The following ZNF547 variants were observed in gnomAD, a reference collection of about 807,000 sequenced individuals.
ZNF547 encodes zinc finger protein 547.
In ZNF547, 4 loss-of-function variants were observed where a neutral mutation model predicts 7.7. The observed-to-expected ratio is 0.52, with a 90% confidence interval of 0.26 to 1.20. ZNF547 has a LOEUF of 1.20. Among genes scored for constraint, ZNF547 ranks in the 50% most tolerant of loss-of-function variants. ZNF547 has a pLI of 0.14. For synonymous variants in ZNF547, 166 were observed against 166.2 expected (o/e 1.00, Z 0.01); for missense variants, 449 against 485.8 (o/e 0.92, Z 0.71).
At chr19:57,364,984 G>C (rs1199659127) in intron 1 of ZNF547, 1 of 1,612,988 alleles carries the variant, frequency 6.2e-7, no homozygotes, top group Admixed American at 1.7e-5. Flanking sequence ...CCTCGTAGAT[G>C]AGAACATGTG....
intron 2 of ZNF547, among the ~76,000 whole-genome samples, chr19:57,369,899 C>CTTTGTTTTTTTTTTTT (rs2088493700): frequency 1.9e-5 from 1 of 51,674 alleles, no homozygotes; most frequent in Non-Finnish European, 3.3e-5. Context: ...ACTCACAGTT[C>CTTTGTTTTTTTTTTTT]TTTTTTTTTT....
intron 2 of ZNF547, 63 bp from the exon 3 acceptor site, chr19:57,371,719 A>G (rs764739289): frequency 2.8e-5 from 44 of 1,548,066 alleles, no homozygotes; most frequent in Non-Finnish European, 3.7e-5. Flanking sequence ...GAAAATAAAT[A>G]GAGAACTTAA....
At chr19:57,364,808 G>A (rs1391375195) in intron 1 of ZNF547, 3 of 1,570,318 alleles carry the variant, frequency 1.9e-6, no homozygotes, top group East Asian at 2.3e-5. Context: ...TCGGCCTCCC[G>A]CTGCAGGAGC....
intron 1 of ZNF547, among the ~76,000 whole-genome samples, chr19:57,367,540 G>A (rs2088478597): frequency 6.6e-6 from 1 of 152,082 alleles, no homozygotes; most frequent in African/African-American, 2.4e-5. Flanking sequence ...TGAGGGAGGA[G>A]AGAGCTGATA....
rs375442392 is a variant in ZNF547, at chr19:57,365,875, C to A, written c.-13+2172C>A. Among the ~76,000 whole-genome samples the A allele has an allele frequency of 7.4e-4, 79 of 106,386 alleles. 1 individual carries two copies. In the East Asian group the frequency reaches 0.017, roughly 23 times the overall value. The allele number at this position is 106,386 out of a possible 152,430, so 69.8% of individuals were successfully genotyped here. On this transcript the variant is annotated intron_variant, in intron 1 of 3. Transcript: ENST00000282282. Reference sequence around the variant, plus strand: ...CTTTCTTTCTTTCTTTTTTTTTTTTCTTTTGAGATGGAGTCTGGCTCCTGT... The same window carrying A: ...CTTTCTTTCTTTCTTTTTTTTTTTTATTTTGAGATGGAGTCTGGCTCCTGT...
At chr19:57,364,457 G>GGT in intron 1 of ZNF547, 31 of 236,840 alleles carry the variant, frequency 1.3e-4, no homozygotes, top group South Asian at 4.7e-4. Flanking sequence ...AAAGAATAGA[G>GGT]GGTGGCCGGG....
At chr19:57,365,089 C>CT (rs2123008435) in intron 1 of ZNF547, 2 of 1,609,828 alleles carry the variant, frequency 1.2e-6, no homozygotes, top group East Asian at 4.5e-5. Flanking sequence ...GTTTATTATG[C>CT]TTCATGACAT....
At chr19:57,366,547 GTTTTTT>G (rs34507280) in intron 1 of ZNF547, among the ~76,000 whole-genome samples, 1 of 90,432 alleles carries the variant, frequency 1.1e-5, no homozygotes. Context: ...CAGATAAATT[GTTTTTT>G]TTTTTTTTTT....
Position 57,377,623 on chromosome 19 carries a change from A to T in ZNF547, c.647A>T (p.Glu216Val). The change falls in exon 4 of 4, where the codon GAA becomes GTA. Residue 216 changes from glutamate (E) to valine (V), a missense_variant. Glu to Val is a moderately radical substitution (Grantham distance 121, BLOSUM62 -2). Coordinates refer to ENST00000282282, the MANE Select transcript of ZNF547 (RefSeq NM_173631.4). ...HTGERPYECN[E>V]CGKAFLCKSH... ...GGAGAAAGGCCTTATGAGTGCAATG[A>T]ATGTGGGAAAGCCTTTCTTTGTAAG... 1 of 1,614,172 alleles carries T rather than the reference A, an allele frequency of 6.2e-7. No homozygotes were observed. Among genetic ancestry groups the T allele is most frequent in the South Asian group, 1.1e-5 (1 of 91,082 alleles).
chr19:57,373,200 T>A (rs2088516673), intron 3 of ZNF547, among the ~76,000 whole-genome samples: 1 of 152,214 alleles, frequency 6.6e-6, no homozygotes, highest in Admixed American at 6.5e-5. Context: ...ACTAGGCATC[T>A]TCTTCACAGG....
intron 1 of ZNF547, chr19:57,368,291 G>T: frequency 4.3e-6 from 2 of 461,372 alleles, no homozygotes. Context: ...TTTGACACCG[G>T]TAAGAGTCCT....
chr19:57,377,504 A>T lies in ZNF547; in HGVS notation c.528A>T (p.Lys176Asn). 6.2e-7 allele frequency: 1 copy of T among 1,614,192 alleles called. No homozygotes were observed. Among genetic ancestry groups the T allele is most frequent in the South Asian group, 1.1e-5 (1 of 91,086 alleles). ...SHKHKLSDHQ[K>N]IHTGERTYKC... The stretch of plus-strand genomic sequence containing the variant: ...AACATAAACTTTCTGACCATCAGAA[A>T]ATCCACACTGGAGAAAGAACTTATA... The change falls in exon 4 of 4, where the codon AAA becomes AAT. Residue 176 changes from lysine to asparagine, a missense_variant. Physicochemically the swap from Lys to Asn is moderately conservative, Grantham distance 94 (BLOSUM62 0). Coordinates refer to ENST00000282282, the MANE Select transcript of ZNF547 (RefSeq NM_173631.4).
At chr19:57,364,838 C>G in intron 1 of ZNF547, 2 of 1,605,570 alleles carry the variant, frequency 1.2e-6, no homozygotes, top group South Asian at 1.1e-5. Flanking sequence ...AAGACCATGT[C>G]TGGAAGCTTC....
At chr19:57,368,387 G>A (rs2123013314) in intron 1 of ZNF547, 157 bp from the exon 2 acceptor site, 2 of 635,644 alleles carry the variant, frequency 3.1e-6, no homozygotes, top group South Asian at 2.0e-5. Flanking sequence ...GAGTCACAGT[G>A]CTGCTAAGAG....
At chr19:57,368,300 CT>C (rs2088482738) in intron 1 of ZNF547, 1 of 493,940 alleles carries the variant, frequency 2.0e-6, no homozygotes, top group African/African-American at 2.0e-5. Context: ...GGTAAGAGTC[CT>C]ATGAGGTGGG....
At chr19:57,374,814 C>T (rs1357269308) in intron 3 of ZNF547, among the ~76,000 whole-genome samples, 1 of 152,110 alleles carries the variant, frequency 6.6e-6, no homozygotes, top group African/African-American at 2.4e-5. Context: ...TCTAAGACCA[C>T]CACAGCCTGG....
chr19:57,376,355 C>T (rs1032584829), intron 3 of ZNF547, among the ~76,000 whole-genome samples: 23 of 151,982 alleles, frequency 1.5e-4, no homozygotes, highest in Admixed American at 7.9e-4. Context: ...CAGACCAAAC[C>T]GAGGGTGGGG....
chr19:57,378,128 G>A lies in ZNF547; in HGVS notation c.1152G>A (p.Gly384=), dbSNP rs149821167. Residue 384 remains glycine (G), a synonymous_variant, in exon 4 of 4, where the codon GGG becomes GGA. Coordinates refer to ENST00000282282, the MANE Select transcript of ZNF547 (RefSeq NM_173631.4). Reference sequence around the variant, plus strand: ...CAGCAAAGCAGTGCAGTGAATGTGGGAAATTCTTTAGGTATAACTCTACAC... The same window carrying A: ...CAGCAAAGCAGTGCAGTGAATGTGGAAAATTCTTTAGGTATAACTCTACAC... ...HTAAKQCSEC[G]KFFRYNSTLL... The A allele has an allele frequency of 4.3e-6, 7 of 1,613,752 alleles. No homozygotes were observed. In the African/African-American group the frequency reaches 9.3e-5, roughly 22 times the overall value.
intron 3 of ZNF547, among the ~76,000 whole-genome samples, chr19:57,372,228 C>T (rs2088509354): frequency 6.6e-6 from 1 of 152,150 alleles, no homozygotes; most frequent in Admixed American, 6.5e-5. Flanking sequence ...TTGCTCTTGC[C>T]AATATTTCTT....
Sources: allele counts gnomAD v4.1 joint callset (sites outside exome capture counted in the v4.1 genomes callset), GRCh38; gene constraint gnomAD v4.1.1; transcripts MANE v1.5; gene names NCBI Gene and HGNC (gene_info 2026-07-23, HGNC 2026-07-21).